TBXAS1: variants seen among roughly 807,000 people sequenced by gnomAD.
TBXAS1 encodes the protein thromboxane A synthase 1, also known as thromboxane-A synthase.
In TBXAS1, 48 loss-of-function variants were observed where a neutral mutation model predicts 60.7. The ratio of observed to expected loss-of-function variants is 0.79; its 90% confidence interval spans 0.63 to 1.01. The LOEUF (loss-of-function observed/expected upper bound fraction) is 1.01, where lower values mean the gene tolerates loss of function less well. TBXAS1 is among the 50% of genes least tolerant of loss of function. The pLI, the probability that TBXAS1 is intolerant of heterozygous loss-of-function variation, is 0.00. For missense variants in TBXAS1, 685 were observed against 686.3 expected, an observed-to-expected ratio of 1.00 and a Z score of 0.02; for synonymous variants, 287 against 269.7, an observed-to-expected ratio of 1.06 and a Z score of -0.63.
intron 1 of TBXAS1, among the ~76,000 whole-genome samples, chr7:139,830,092 C>T (rs957483074): frequency 6.6e-6 from 1 of 152,118 alleles, no homozygotes; most frequent in African/African-American, 2.4e-5. Context: ...AGTTGCTCCC[C>T]TGTGGTTTTG....
At chr7:139,918,884 A>C (rs184110137) in intron 4 of TBXAS1, among the ~76,000 whole-genome samples, 1 of 152,308 alleles carries the variant, frequency 6.6e-6, no homozygotes, top group African/African-American at 2.4e-5. Context: ...TGTCAAATCT[A>C]TGGCCACCTT....
intron 4 of TBXAS1, among the ~76,000 whole-genome samples, chr7:139,792,500 C>T (rs1032146114): frequency 2.0e-5 from 3 of 152,164 alleles, no homozygotes; most frequent in African/African-American, 7.2e-5. Context: ...TTCTGTAGAA[C>T]TTCACCCAGC....
At chr7:139,848,987 AC>A in intron 1 of TBXAS1, among the ~76,000 whole-genome samples, 1 of 152,170 alleles carries the variant, frequency 6.6e-6, no homozygotes, top group East Asian at 1.9e-4. Flanking sequence ...TAAAACCATA[AC>A]AAAAAAATAA....
At chr7:139,944,567 C>T (rs1241860222) in intron 5 of TBXAS1, among the ~76,000 whole-genome samples, 1 of 152,326 alleles carries the variant, frequency 6.6e-6, no homozygotes, top group Non-Finnish European at 1.5e-5. Flanking sequence ...TTCCCAGACC[C>T]ATGGGGCAAA....
chr7:139,816,747 T>A (rs1033889838), intron 4 of TBXAS1, among the ~76,000 whole-genome samples: 1 of 152,230 alleles, frequency 6.6e-6, no homozygotes, highest in African/African-American at 2.4e-5. Flanking sequence ...GTTGAACTAC[T>A]GCAATAGAGA....
intron 4 of TBXAS1, among the ~76,000 whole-genome samples, chr7:139,920,883 G>A (rs1243624892): frequency 6.6e-6 from 1 of 152,128 alleles, no homozygotes; most frequent in African/African-American, 2.4e-5. Context: ...CCCCAATACA[G>A]CCCGACAAGC....
intron 4 of TBXAS1, chr7:139,789,434 A>T (rs919701358): frequency 1.3e-5 from 2 of 151,904 alleles, no homozygotes; most frequent in African/African-American, 2.4e-5. Flanking sequence ...TTTTGTAGAG[A>T]CATGGTCTCT....
At chr7:139,918,362 C>T (rs571636148) in intron 4 of TBXAS1, among the ~76,000 whole-genome samples, 2 of 152,166 alleles carry the variant, frequency 1.3e-5, no homozygotes, top group East Asian at 1.9e-4. Context: ...GTCCCACCAG[C>T]GTCCCATAGA....
chr7:139,912,635 C>T (rs1805620641), intron 4 of TBXAS1, among the ~76,000 whole-genome samples: 1 of 152,132 alleles, frequency 6.6e-6, no homozygotes, highest in African/African-American at 2.4e-5. Context: ...GGGACCAGCA[C>T]AATGCAGTGT....
intron 9 of TBXAS1, among the ~76,000 whole-genome samples, chr7:139,984,066 C>T (rs1027519175): frequency 9.2e-5 from 14 of 152,318 alleles, no homozygotes; most frequent in East Asian, 1.9e-4. Context: ...ATGAAGATGG[C>T]TGAGGGTATG....
At chr7:139,886,385 A>AT (rs1444623146) in intron 3 of TBXAS1, among the ~76,000 whole-genome samples, 5 of 143,274 alleles carry the variant, frequency 3.5e-5, no homozygotes, top group Admixed American at 7.0e-5. Flanking sequence ...TTTGCAGATG[A>AT]ATTTTTTTTT....
intron 5 of TBXAS1, among the ~76,000 whole-genome samples, chr7:139,951,950 A>AAAAG (rs776126423): frequency 0.067 from 2,795 of 41,772 alleles, 135 homozygotes; most frequent in East Asian, 0.081. Flanking sequence ...GGAAAGAAAG[A>AAAAG]AAAGAAAGAA....
chr7:139,951,878 G>A (rs1224998521), intron 5 of TBXAS1, among the ~76,000 whole-genome samples: 903 of 59,150 alleles, frequency 0.015, 88 homozygotes, highest in African/African-American at 0.066. Context: ...AAGGAAGGAA[G>A]GAAAGAAGGA....
intron 4 of TBXAS1, among the ~76,000 whole-genome samples, chr7:139,918,780 G>A (rs1198325204): frequency 1.3e-5 from 2 of 152,080 alleles, no homozygotes; most frequent in Admixed American, 1.3e-4. Context: ...ATGCCCCTGA[G>A]CTGACCCCTC....
At chr7:139,895,595 G>T (rs1437183534) in intron 3 of TBXAS1, among the ~76,000 whole-genome samples, 1 of 152,260 alleles carries the variant, frequency 6.6e-6, no homozygotes, top group Non-Finnish European at 1.5e-5. Flanking sequence ...GGAGCTAACA[G>T]CTGGAGGCTC....
chr7:139,921,864 C>T (rs780334285), intron 4 of TBXAS1, among the ~76,000 whole-genome samples: 1 of 152,134 alleles, frequency 6.6e-6, no homozygotes, highest in African/African-American at 2.4e-5. Context: ...CGCTAGCCCA[C>T]GAGAGTAGGT....
At chr7:139,782,967 C>T (rs73735625) in intron 3 of TBXAS1, among the ~76,000 whole-genome samples, 9,941 of 152,182 alleles carry the variant, frequency 0.065, 1,074 homozygotes, top group African/African-American at 0.23. Context: ...ATTACCTTGT[C>T]TTTCTGCTTT....
chr7:139,870,786 A>C (rs1424985025), intron 1 of TBXAS1, among the ~76,000 whole-genome samples: 2 of 152,208 alleles, frequency 1.3e-5, no homozygotes, highest in Non-Finnish European at 2.9e-5. Context: ...CCTTGTGACC[A>C]CTTTAAAAAT....
intron 4 of TBXAS1, among the ~76,000 whole-genome samples, chr7:139,818,049 A>G (rs990384173): frequency 2.0e-5 from 3 of 152,220 alleles, no homozygotes; most frequent in Non-Finnish European, 2.9e-5. Context: ...CTGGGGATAC[A>G]TTGTTGAACC....
Sources: gnomAD v4.1 joint callset for allele counts (sites outside exome capture counted in the v4.1 genomes callset) on GRCh38, gnomAD v4.1.1 for gene constraint, MANE v1.5 for transcripts, NCBI Gene and HGNC (gene_info 2026-07-23, HGNC 2026-07-21) for gene names.